Variants in COL25A1 observed in about 807,000 individuals in gnomAD.
COL25A1 encodes the protein collagen type XXV alpha 1 chain.
COL25A1 carries 103 observed loss-of-function variants against 128.4 expected under a neutral mutation model. The ratio of observed to expected loss-of-function variants is 0.80; its 90% confidence interval spans 0.68 to 0.94. The LOEUF is 0.94. Ranked by LOEUF, COL25A1 falls within the 40% of genes least tolerant of loss-of-function variation. The probability of loss-of-function intolerance (pLI) is 0.00; values close to 1 mark genes in which losing one functional copy is unlikely to be tolerated. For synonymous variants in COL25A1, 279 were observed against 277.2 expected, an observed-to-expected ratio of 1.01 and a Z score of -0.06; for missense variants, 745 against 840.0, an observed-to-expected ratio of 0.89 and a Z score of 1.40.
chr4:109,060,632 C>G (rs1205604940), intron 3 of COL25A1, among the ~76,000 whole-genome samples: 1 of 151,334 alleles, frequency 6.6e-6, no homozygotes, highest in African/African-American at 2.4e-5. Flanking sequence ...GGAAGTCCTT[C>G]GCAGATGGTA....
At chr4:109,103,982 G>A (rs1366914554) in intron 3 of COL25A1, among the ~76,000 whole-genome samples, 1 of 152,116 alleles carries the variant, frequency 6.6e-6, no homozygotes, top group Non-Finnish European at 1.5e-5. Context: ...TTATGGCTCA[G>A]CACAACTCAA....
chr4:108,881,640 T>A (rs1039047013), intron 19 of COL25A1, among the ~76,000 whole-genome samples: 3 of 151,942 alleles, frequency 2.0e-5, no homozygotes, highest in African/African-American at 7.3e-5. Context: ...ATAGAAGAAA[T>A]GTAAATTAAA....
intron 3 of COL25A1, among the ~76,000 whole-genome samples, chr4:109,250,905 A>G (rs1780601867): frequency 6.6e-6 from 1 of 152,194 alleles, no homozygotes; most frequent in Admixed American, 6.5e-5. Flanking sequence ...ATTAAAGACA[A>G]TAACAAGGTT....
At chr4:109,112,641 A>T in intron 3 of COL25A1, among the ~76,000 whole-genome samples, 1 of 152,244 alleles carries the variant, frequency 6.6e-6, no homozygotes, top group East Asian at 1.9e-4. Context: ...TATTAAGGAA[A>T]CTTATCCTCA....
intron 29 of COL25A1, among the ~76,000 whole-genome samples, chr4:108,844,978 C>G (rs1204427171): frequency 6.6e-6 from 1 of 152,170 alleles, no homozygotes; most frequent in Non-Finnish European, 1.5e-5. Flanking sequence ...TTAGACAGTC[C>G]TCTGAAAACC....
chr4:109,236,400 G>T (rs1779482608), intron 3 of COL25A1, among the ~76,000 whole-genome samples: 1 of 152,040 alleles, frequency 6.6e-6, no homozygotes, highest in Non-Finnish European at 1.5e-5. Context: ...AGCAGAACCT[G>T]ACAGAGAACA....
chr4:109,125,549 T>C (rs1204201430), intron 3 of COL25A1, among the ~76,000 whole-genome samples: 1 of 152,196 alleles, frequency 6.6e-6, no homozygotes, highest in African/African-American at 2.4e-5. Context: ...ATACAAACTG[T>C]CAACATTTCT....
chr4:108,868,535 G>GA (rs1281165129), intron 20 of COL25A1, among the ~76,000 whole-genome samples: 3 of 12,396 alleles, frequency 2.4e-4, no homozygotes, highest in African/African-American at 4.5e-4. Context: ...AGAAAAGAAA[G>GA]AAAGAAAAGA....
At chr4:108,899,957 A>C (rs1443149285) in intron 14 of COL25A1, among the ~76,000 whole-genome samples, 1 of 152,208 alleles carries the variant, frequency 6.6e-6, no homozygotes. Context: ...AATCATATAC[A>C]TTATGAAAAT....
intron 3 of COL25A1, among the ~76,000 whole-genome samples, chr4:109,083,323 A>G (rs1184926909): frequency 2.0e-5 from 3 of 152,082 alleles, no homozygotes; most frequent in Non-Finnish European, 4.4e-5. Context: ...AAAAATGAAA[A>G]AAATTTCTAA....
chr4:109,289,323 C>A (rs1724233791), intron 3 of COL25A1, among the ~76,000 whole-genome samples: 1 of 152,084 alleles, frequency 6.6e-6, no homozygotes, highest in African/African-American at 2.4e-5. Flanking sequence ...TGTTTTTAAA[C>A]TCTCCTTTGA....
intron 3 of COL25A1, among the ~76,000 whole-genome samples, chr4:109,192,896 C>T (rs1775735481): frequency 6.6e-6 from 1 of 151,842 alleles, no homozygotes; most frequent in Non-Finnish European, 1.5e-5. Flanking sequence ...GACACAGACA[C>T]ATACAGAAGG....
chr4:109,019,434 C>A (rs1159195229), intron 5 of COL25A1, among the ~76,000 whole-genome samples: 1 of 142,516 alleles, frequency 7.0e-6, no homozygotes, highest in African/African-American at 2.5e-5. Context: ...GTCCCAGACC[C>A]CAACATACCA....
intron 8 of COL25A1, among the ~76,000 whole-genome samples, chr4:108,948,861 G>A (rs2125941271): frequency 6.6e-6 from 1 of 152,284 alleles, no homozygotes; most frequent in Middle Eastern, 3.4e-3. Context: ...TAAGAAGACG[G>A]CAGATACACT....
At chr4:109,171,594 T>A (rs1358145973) in intron 3 of COL25A1, among the ~76,000 whole-genome samples, 1 of 152,114 alleles carries the variant, frequency 6.6e-6, no homozygotes, top group Non-Finnish European at 1.5e-5. Flanking sequence ...AAAGTGAAAA[T>A]AAGAGGAGAA....
chr4:108,928,954 G>C (rs531850090), intron 11 of COL25A1, among the ~76,000 whole-genome samples: 2 of 152,292 alleles, frequency 1.3e-5, no homozygotes, highest in East Asian at 1.9e-4. Flanking sequence ...CTGGATTCTA[G>C]CCTGGTTCTG....
At chr4:109,212,941 C>T (rs1257667072) in intron 3 of COL25A1, among the ~76,000 whole-genome samples, 3 of 151,950 alleles carry the variant, frequency 2.0e-5, no homozygotes, top group Non-Finnish European at 4.4e-5. Context: ...TGTTCTTCAC[C>T]ACATATATAG....
chr4:109,144,575 T>C (rs1159535779), intron 3 of COL25A1, among the ~76,000 whole-genome samples: 4 of 152,264 alleles, frequency 2.6e-5, no homozygotes, highest in African/African-American at 4.8e-5. Context: ...CTGCTGCCTT[T>C]CTTTCAGAGA....
At chr4:108,880,306 A>C (rs1739970874) in intron 19 of COL25A1, among the ~76,000 whole-genome samples, 1 of 152,184 alleles carries the variant, frequency 6.6e-6, no homozygotes, top group South Asian at 2.1e-4. Flanking sequence ...CATTTGGGTA[A>C]TAGGAAAAGG....
Sources: gnomAD v4.1 joint callset for allele counts (sites outside exome capture counted in the v4.1 genomes callset) on GRCh38, gnomAD v4.1.1 for gene constraint, MANE v1.5 for transcripts, NCBI Gene and HGNC (gene_info 2026-07-23, HGNC 2026-07-21) for gene names.